Variants in LRRC4C observed in about 807,000 individuals in gnomAD.
The protein encoded by LRRC4C is leucine-rich repeat-containing protein 4C.
Under a neutral mutation model 33.6 loss-of-function variants are expected in LRRC4C, and 5 were observed. That is an observed-to-expected ratio of 0.15 (90% CI 0.08 to 0.31). LRRC4C has a LOEUF of 0.31. LRRC4C is among the 10% of genes least tolerant of loss of function. The pLI, the probability that LRRC4C is intolerant of heterozygous loss-of-function variation, is 1.00. For synonymous variants in LRRC4C, 329 were observed against 302.0 expected, an observed-to-expected ratio of 1.09 and a Z score of -0.93; for missense variants, 560 against 796.7, an observed-to-expected ratio of 0.70 and a Z score of 3.58.
chr11:40,529,292 A>G (rs1956180453), intron 3 of LRRC4C, among the ~76,000 whole-genome samples: 1 of 152,124 alleles, frequency 6.6e-6, no homozygotes, highest in African/African-American at 2.4e-5. Flanking sequence ...GTATAAATTA[A>G]ATAAGTGAAG....
At chr11:41,453,728 T>C (rs1202802415) in intron 1 of LRRC4C, among the ~76,000 whole-genome samples, 5 of 152,012 alleles carry the variant, frequency 3.3e-5, no homozygotes, top group Non-Finnish European at 5.9e-5. Context: ...CCTAGCACAG[T>C]GCCTGGCACA....
At chr11:40,909,206 T>G (rs1956558702) in intron 2 of LRRC4C, among the ~76,000 whole-genome samples, 1 of 152,130 alleles carries the variant, frequency 6.6e-6, no homozygotes, top group Non-Finnish European at 1.5e-5. Flanking sequence ...GGTCAGCTAT[T>G]TATCATCTCC....
intron 1 of LRRC4C, among the ~76,000 whole-genome samples, chr11:41,355,614 C>G (rs972132007): frequency 1.3e-5 from 2 of 151,904 alleles, no homozygotes; most frequent in African/African-American, 4.8e-5. Context: ...TTTGTCCTTC[C>G]AAAGCCATGT....
intron 1 of LRRC4C, among the ~76,000 whole-genome samples, chr11:41,182,788 T>A (rs756939598): frequency 6.6e-6 from 1 of 151,886 alleles, no homozygotes; most frequent in Middle Eastern, 3.2e-3. Context: ...ATTTACATAT[T>A]ATTACTATAT....
intron 3 of LRRC4C, among the ~76,000 whole-genome samples, chr11:40,353,349 C>A (rs1241897656): frequency 6.6e-6 from 1 of 152,040 alleles, no homozygotes; most frequent in African/African-American, 2.4e-5. Context: ...TTTGCATGAT[C>A]AATTCTGCTC....
At chr11:40,891,918 G>T in intron 2 of LRRC4C, among the ~76,000 whole-genome samples, 1 of 151,964 alleles carries the variant, frequency 6.6e-6, no homozygotes, top group South Asian at 2.1e-4. Flanking sequence ...GGTGTATCAC[G>T]AGTTCAGGAG....
At chr11:40,329,021 T>C (rs903244250) in intron 3 of LRRC4C, among the ~76,000 whole-genome samples, 4 of 152,174 alleles carry the variant, frequency 2.6e-5, no homozygotes, top group Admixed American at 2.6e-4. Context: ...TAAAAGTTTA[T>C]CTGTCTGTGG....
At chr11:41,416,143 C>T (rs778848542) in intron 1 of LRRC4C, among the ~76,000 whole-genome samples, 4 of 151,966 alleles carry the variant, frequency 2.6e-5, no homozygotes, top group East Asian at 3.9e-4. Flanking sequence ...TTCATTTCTC[C>T]GATTTGTGAG....
chr11:41,317,120 G>A (rs1046314096), intron 1 of LRRC4C, among the ~76,000 whole-genome samples: 1 of 152,150 alleles, frequency 6.6e-6, no homozygotes, highest in Non-Finnish European at 1.5e-5. Context: ...AAGAACACTG[G>A]TTTCTGTATT....
intron 1 of LRRC4C, among the ~76,000 whole-genome samples, chr11:40,996,448 G>A (rs1273869318): frequency 6.6e-6 from 1 of 152,082 alleles, no homozygotes; most frequent in Non-Finnish European, 1.5e-5. Flanking sequence ...ATATCAAGGA[G>A]CTAAAATCAA....
chr11:41,086,486 AT>A (rs1302477210), intron 1 of LRRC4C, among the ~76,000 whole-genome samples: 1 of 152,158 alleles, frequency 6.6e-6, no homozygotes, highest in Non-Finnish European at 1.5e-5. Flanking sequence ...ATTTTTAAAT[AT>A]TTTAAGACCA....
intron 5 of LRRC4C, among the ~76,000 whole-genome samples, chr11:40,225,710 G>A (rs954875325): frequency 1.3e-5 from 2 of 150,426 alleles, no homozygotes; most frequent in African/African-American, 4.9e-5. Context: ...TCCGCCTCCC[G>A]GGTTCAAGCA....
At chr11:40,351,144 T>C (rs1947363917) in intron 3 of LRRC4C, among the ~76,000 whole-genome samples, 1 of 152,076 alleles carries the variant, frequency 6.6e-6, no homozygotes, top group South Asian at 2.1e-4. Flanking sequence ...AAAGTGGGCA[T>C]CCTTGACTGA....
intron 2 of LRRC4C, among the ~76,000 whole-genome samples, chr11:40,905,458 C>T (rs1956377066): frequency 6.6e-6 from 1 of 152,000 alleles, no homozygotes; most frequent in Non-Finnish European, 1.5e-5. Flanking sequence ...AACTCTATTG[C>T]TGAGTTTTCA....
At chr11:41,313,267 T>C (rs191034693) in intron 1 of LRRC4C, among the ~76,000 whole-genome samples, 1 of 152,356 alleles carries the variant, frequency 6.6e-6, no homozygotes, top group East Asian at 1.9e-4. Context: ...CATGGCTGTA[T>C]TGAACCAACA....
At position 40,640,976 on chromosome 11, in the gene LRRC4C, A is replaced by G. The variant is rs552909483; in HGVS notation, c.-270+7166T>C. ...GCTTGCAGTGAGCCTAGATTGCGCCACTGCACTCCAGCCCGCGCTACAGAG... is the reference window on the plus strand; with the variant it reads ...GCTTGCAGTGAGCCTAGATTGCGCCGCTGCACTCCAGCCCGCGCTACAGAG... On this transcript the variant is annotated intron_variant, in intron 3 of 6. Coordinates refer to ENST00000528697, the MANE Select transcript of LRRC4C (RefSeq NM_001258419.2). Among the ~76,000 whole-genome samples, 18 of 139,964 alleles carry G rather than the reference A, an allele frequency of 1.3e-4. 2 individuals are homozygous for G. In the South Asian group the frequency reaches 3.8e-3, roughly 29 times the overall value. 91.8% of individuals were successfully genotyped at this position (139,964 alleles called of 152,430 possible). A position where few individuals can be genotyped will look rare whatever the true frequency, so the allele number is the denominator to read the frequency against.
At chr11:41,053,974 A>T (rs552243916) in intron 1 of LRRC4C, among the ~76,000 whole-genome samples, 1 of 152,286 alleles carries the variant, frequency 6.6e-6, no homozygotes, top group South Asian at 2.1e-4. Context: ...TTGTCATGTT[A>T]AGTCATTTGC....
intron 1 of LRRC4C, among the ~76,000 whole-genome samples, chr11:41,081,591 G>T (rs916379272): frequency 6.6e-6 from 1 of 152,048 alleles, no homozygotes; most frequent in African/African-American, 2.4e-5. Context: ...TCCACCTATT[G>T]CAGGGAGACC....
chr11:41,426,220 T>C (rs1337310812), intron 1 of LRRC4C: 3 of 152,176 alleles, frequency 2.0e-5, no homozygotes, highest in Non-Finnish European at 4.4e-5. Context: ...CTTAACTACA[T>C]TGACTTCCTT....
Sources: gnomAD v4.1 joint callset for allele counts (sites outside exome capture counted in the v4.1 genomes callset) on GRCh38, gnomAD v4.1.1 for gene constraint, MANE v1.5 for transcripts, NCBI Gene and HGNC (gene_info 2026-07-23, HGNC 2026-07-21) for gene names.